The following DLGAP2 variants were observed in gnomAD, a reference collection of about 807,000 sequenced individuals.
DLGAP2 encodes DLG associated protein 2.
DLGAP2 carries 26 observed loss-of-function variants against 100.3 expected under a neutral mutation model. That is an observed-to-expected ratio of 0.26 (90% CI 0.19 to 0.36). The LOEUF (loss-of-function observed/expected upper bound fraction) is 0.36, where lower values mean the gene tolerates loss of function less well. Among genes scored for constraint, DLGAP2 ranks in the 10% least tolerant of loss-of-function variants. The pLI is 1.00. For synonymous variants in DLGAP2, 886 were observed against 630.1 expected, an observed-to-expected ratio of 1.41 and a Z score of -6.08; for missense variants, 1,858 against 1,453.2, an observed-to-expected ratio of 1.28 and a Z score of -4.53.
intron 1 of DLGAP2, among the ~76,000 whole-genome samples, chr8:779,486 C>T (rs1164062024): frequency 3.5e-5 from 5 of 143,496 alleles, no homozygotes; most frequent in Admixed American, 1.4e-4. Context: ...TTTTTTCAGA[C>T]AGGGTCTTGC....
At chr8:919,971 C>G (rs985569576) in intron 2 of DLGAP2, among the ~76,000 whole-genome samples, 1 of 152,216 alleles carries the variant, frequency 6.6e-6, no homozygotes, top group African/African-American at 2.4e-5. Flanking sequence ...GGAGCACCCC[C>G]ACTCAGCGAT....
intron 2 of DLGAP2, among the ~76,000 whole-genome samples, chr8:1,087,383 G>C (rs1288979203): frequency 6.6e-6 from 1 of 152,164 alleles, no homozygotes; most frequent in Non-Finnish European, 1.5e-5. Context: ...CTCCAGTTCA[G>C]AGTGTTGTCT....
chr8:1,439,141 G>A (rs190153025), intron 3 of DLGAP2, among the ~76,000 whole-genome samples: 7 of 152,162 alleles, frequency 4.6e-5, no homozygotes, highest in Admixed American at 6.5e-5. Context: ...ATGGAGCCAC[G>A]TGGAGCGTTA....
intron 3 of DLGAP2, among the ~76,000 whole-genome samples, chr8:1,355,801 C>G (rs1432435969): frequency 7.9e-5 from 12 of 152,170 alleles, no homozygotes; most frequent in Admixed American, 7.9e-4. Flanking sequence ...CCCACAACCC[C>G]CACCCCACGG....
intron 3 of DLGAP2, among the ~76,000 whole-genome samples, chr8:1,474,104 C>T (rs1285051812): frequency 6.6e-6 from 1 of 152,120 alleles, no homozygotes; most frequent in Admixed American, 6.6e-5. Flanking sequence ...CATCGTTTAG[C>T]TCCCTCTTAC....
chr8:1,189,623 C>T (rs1365975611), intron 2 of DLGAP2, among the ~76,000 whole-genome samples: 1 of 152,240 alleles, frequency 6.6e-6, no homozygotes, highest in Non-Finnish European at 1.5e-5. Context: ...GCACGTTTAG[C>T]AGTTGACGTG....
intron 2 of DLGAP2, among the ~76,000 whole-genome samples, chr8:1,077,072 C>T (rs1377653714): frequency 6.6e-6 from 1 of 152,130 alleles, no homozygotes; most frequent in Non-Finnish European, 1.5e-5. Flanking sequence ...CCGGGCTCCC[C>T]CACACTCCTG....
chr8:1,430,025 T>TATATATATATATATATATATATATAC (rs1797377276), intron 3 of DLGAP2, among the ~76,000 whole-genome samples: 2 of 98,812 alleles, frequency 2.0e-5, no homozygotes, highest in African/African-American at 8.4e-5. Context: ...TATATATATA[T>TATATATATATATATATATATATATAC]ATACACACAC....
At chr8:1,208,605 A>T (rs555131536) in intron 2 of DLGAP2, among the ~76,000 whole-genome samples, 2 of 107,248 alleles carry the variant, frequency 1.9e-5, no homozygotes, top group African/African-American at 1.2e-4. Flanking sequence ...TCTGTTCAAC[A>T]TAGTACTAGA....
At chr8:1,159,690 A>G (rs1242480382) in intron 2 of DLGAP2, among the ~76,000 whole-genome samples, 1 of 152,232 alleles carries the variant, frequency 6.6e-6, no homozygotes, top group Non-Finnish European at 1.5e-5. Context: ...ATACATTTTC[A>G]TTCCGCAGAT....
At chr8:1,339,911 A>G (rs1407066439) in intron 3 of DLGAP2, among the ~76,000 whole-genome samples, 1 of 152,228 alleles carries the variant, frequency 6.6e-6, no homozygotes, top group African/African-American at 2.4e-5. Context: ...AAATATGTGT[A>G]TATTGACAGG....
intron 6 of DLGAP2, among the ~76,000 whole-genome samples, chr8:1,572,972 GGA>G (rs1802798507): frequency 7.5e-6 from 1 of 134,194 alleles, no homozygotes; most frequent in Non-Finnish European, 1.6e-5. Context: ...GAGATGGAGA[GGA>G]GAGAGGGTGA....
At chr8:1,012,716 G>C (rs1401846363) in intron 2 of DLGAP2, among the ~76,000 whole-genome samples, 3 of 117,664 alleles carry the variant, frequency 2.5e-5, no homozygotes, top group Non-Finnish European at 5.1e-5. Context: ...CGGCAGTGTG[G>C]ACACCGTCCG....
chr8:1,664,615 C>T (rs4629893), intron 8 of DLGAP2, among the ~76,000 whole-genome samples: 6,342 of 152,274 alleles, frequency 0.042, 443 homozygotes, highest in African/African-American at 0.14. Flanking sequence ...GGGTCTTCAG[C>T]CCCCTTATCA....
chr8:1,171,959 A>G (rs1797137925), intron 2 of DLGAP2, among the ~76,000 whole-genome samples: 1 of 151,926 alleles, frequency 6.6e-6, no homozygotes, highest in African/African-American at 2.4e-5. Context: ...TCGTTAGTTG[A>G]TGCAGTTTCT....
intron 4 of DLGAP2, among the ~76,000 whole-genome samples, chr8:1,536,854 G>A (rs888291008): frequency 2.6e-5 from 4 of 152,052 alleles, no homozygotes; most frequent in Non-Finnish European, 5.9e-5. Context: ...TGTAGGAGGC[G>A]CTGGCCAGGC....
At chr8:863,972 G>A (rs1328810417) in intron 1 of DLGAP2, among the ~76,000 whole-genome samples, 1 of 152,192 alleles carries the variant, frequency 6.6e-6, no homozygotes, top group African/African-American at 2.4e-5. Flanking sequence ...ATCAACAGGT[G>A]AATGGATAAA....
chr8:1,310,699 C>A (rs1454688640), intron 3 of DLGAP2, among the ~76,000 whole-genome samples: 1 of 151,652 alleles, frequency 6.6e-6, no homozygotes, highest in East Asian at 1.9e-4. Flanking sequence ...ACTCTGTCAC[C>A]CAGGCTGGAG....
At chr8:1,295,207 C>T (rs1397096228) in intron 3 of DLGAP2, among the ~76,000 whole-genome samples, 1 of 152,142 alleles carries the variant, frequency 6.6e-6, no homozygotes, top group Non-Finnish European at 1.5e-5. Flanking sequence ...AGAGTGAGTG[C>T]CAACCAGACT....
Sources: allele counts gnomAD v4.1 joint callset (sites outside exome capture counted in the v4.1 genomes callset), GRCh38; gene constraint gnomAD v4.1.1; transcripts MANE v1.5; gene names NCBI Gene and HGNC (gene_info 2026-07-23, HGNC 2026-07-21).